The following PLXNA4 variants were observed in gnomAD, a reference collection of about 807,000 sequenced individuals.
The protein encoded by PLXNA4 is plexin A4.
A neutral mutation model predicts 191.8 loss-of-function variants in PLXNA4; 44 were observed. The ratio of observed to expected loss-of-function variants is 0.23; its 90% CI spans 0.18 to 0.29. The LOEUF is 0.29. Ranked by LOEUF, PLXNA4 falls within the 10% of genes least tolerant of loss-of-function variation. PLXNA4 has a pLI of 1.00. For synonymous variants in PLXNA4, 1,082 were observed against 1,009.5 expected (o/e 1.07, Z -1.36); for missense variants, 1,800 against 2,488.8 (o/e 0.72, Z 5.89).
chr7:132,537,764 T>C (rs1191637070), intron 1 of PLXNA4, among the ~76,000 whole-genome samples: 1 of 152,196 alleles, frequency 6.6e-6, no homozygotes, highest in Non-Finnish European at 1.5e-5. Context: ...GCAAAGCCTC[T>C]GGTAAGAATG....
At chr7:132,149,255 G>A (rs989394185) in intron 25 of PLXNA4, among the ~76,000 whole-genome samples, 3 of 152,124 alleles carry the variant, frequency 2.0e-5, no homozygotes, top group Admixed American at 6.5e-5. Flanking sequence ...TGATATCAAC[G>A]TTGTAATCTA....
chr7:132,392,923 A>G (rs1249894230), intron 3 of PLXNA4, among the ~76,000 whole-genome samples: 1 of 152,130 alleles, frequency 6.6e-6, no homozygotes, highest in Admixed American at 6.5e-5. Context: ...CCCTGTGTCC[A>G]TCTGAGCACC....
chr7:132,563,561 TCTC>T (rs1268101867), intron 1 of PLXNA4, among the ~76,000 whole-genome samples: 2 of 73,290 alleles, frequency 2.7e-5, no homozygotes, highest in Non-Finnish European at 5.4e-5. Context: ...TCCTACTCCT[TCTC>T]CTCTTCATCC....
intron 4 of PLXNA4, among the ~76,000 whole-genome samples, chr7:132,272,142 C>T (rs1800101081): frequency 6.6e-6 from 1 of 152,188 alleles, no homozygotes; most frequent in Non-Finnish European, 1.5e-5. Context: ...CTTCTAATGG[C>T]CAAGAACTCC....
Position 132,598,469 on chromosome 7 carries a change from T to C in PLXNA4, c.-87+47459A>G, listed in dbSNP as rs991170345. ...ATTCCTGCAGCCTCAACAAACATTATTCAACCTCCACATTTTTGTCAGTCT... is the reference window on the plus strand; with the variant it reads ...ATTCCTGCAGCCTCAACAAACATTACTCAACCTCCACATTTTTGTCAGTCT... On this transcript the variant is annotated intron_variant, in intron 2 of 4. Coordinates refer to the PLXNA4 transcript ENST00000378539. Among the ~76,000 whole-genome samples the C allele has an allele frequency of 3.9e-5, 6 of 152,244 alleles. No individual in the cohort carries two copies. The South Asian group carries it at 1.0e-3, about 26-fold the overall frequency.
intron 2 of PLXNA4, among the ~76,000 whole-genome samples, chr7:132,502,478 G>C (rs1798296124): frequency 6.6e-6 from 1 of 152,194 alleles, no homozygotes; most frequent in Non-Finnish European, 1.5e-5. Flanking sequence ...TCAACGAGAG[G>C]CTTCTGGAAA....
chr7:132,228,636 T>C (rs77562734), intron 5 of PLXNA4, among the ~76,000 whole-genome samples, 167 bp from the exon 6 acceptor site: 9,543 of 152,162 alleles, frequency 0.063, 639 homozygotes, highest in East Asian at 0.33. Flanking sequence ...CCTCCATCAT[T>C]CCCAAATTTA....
intron 4 of PLXNA4, among the ~76,000 whole-genome samples, chr7:132,257,387 G>A (rs1457428286): frequency 1.3e-5 from 2 of 152,178 alleles, no homozygotes; most frequent in Non-Finnish European, 2.9e-5. Context: ...TCCAAATAAG[G>A]CTCTCTATCA....
chr7:132,484,787 T>G, intron 3 of PLXNA4: 1 of 1,613,016 alleles, frequency 6.2e-7, no homozygotes, highest in Non-Finnish European at 8.5e-7. Context: ...TATTTTTAGT[T>G]AAAGTGGATT....
intron 22 of PLXNA4, among the ~76,000 whole-genome samples, chr7:132,166,752 A>G (rs4731852): frequency 0.99 from 150,944 of 152,018 alleles, 74,941 homozygotes; most frequent in East Asian, 1. Context: ...AGACCACGCC[A>G]GAAAGTTGTC....
intron 4 of PLXNA4, among the ~76,000 whole-genome samples, chr7:132,263,488 T>C (rs1456644224): frequency 1.3e-5 from 2 of 152,198 alleles, no homozygotes; most frequent in Non-Finnish European, 2.9e-5. Flanking sequence ...TACGGTAAAA[T>C]AGGGGTAAGA....
At chr7:132,165,718 G>GCA (rs35305200) in intron 22 of PLXNA4, among the ~76,000 whole-genome samples, 5 of 149,334 alleles carry the variant, frequency 3.3e-5, no homozygotes, top group African/African-American at 1.2e-4. Context: ...TCTTTTGGGT[G>GCA]AAAAAAAAAA....
At chr7:132,369,274 C>T (rs1804326577) in intron 3 of PLXNA4, among the ~76,000 whole-genome samples, 1 of 152,186 alleles carries the variant, frequency 6.6e-6, no homozygotes, top group Admixed American at 6.5e-5. Flanking sequence ...CACCCAGGTG[C>T]CAGAAACCTG....
At chr7:132,518,323 T>G (rs550682741) in intron 1 of PLXNA4, among the ~76,000 whole-genome samples, 22 of 152,300 alleles carry the variant, frequency 1.4e-4, no homozygotes, top group African/African-American at 5.1e-4. Flanking sequence ...AGCAACTGTC[T>G]TCCCAAGAGA....
intron 2 of PLXNA4, among the ~76,000 whole-genome samples, chr7:132,498,852 T>C (rs1798134843): frequency 6.6e-6 from 1 of 152,214 alleles, no homozygotes; most frequent in Non-Finnish European, 1.5e-5. Context: ...CAAATATTCA[T>C]TAAATGAATG....
intron 29 of PLXNA4, among the ~76,000 whole-genome samples, chr7:132,143,023 T>A (rs1041487659): frequency 1.3e-5 from 2 of 152,056 alleles, no homozygotes; most frequent in East Asian, 3.9e-4. Context: ...GTGGTGGCAC[T>A]AATCTCTGGT....
intron 1 of PLXNA4, among the ~76,000 whole-genome samples, chr7:132,545,444 A>G (rs965229245): frequency 6.6e-6 from 1 of 152,220 alleles, no homozygotes; most frequent in Non-Finnish European, 1.5e-5. Context: ...AAAACACACT[A>G]TAAATACTTG....
chr7:132,563,533 T>C (rs1454781454), intron 1 of PLXNA4, among the ~76,000 whole-genome samples: 3 of 82,746 alleles, frequency 3.6e-5, no homozygotes, highest in East Asian at 9.2e-4. Context: ...CTCCTCCTCT[T>C]TCTCCTCCTC....
At chr7:132,300,324 G>A (rs780869165) in intron 3 of PLXNA4, among the ~76,000 whole-genome samples, 2 of 152,054 alleles carry the variant, frequency 1.3e-5, no homozygotes, top group African/African-American at 4.8e-5. Flanking sequence ...GCCACCTAAA[G>A]GCAGGGAGCT....
Sources: allele counts gnomAD v4.1 joint callset (sites outside exome capture counted in the v4.1 genomes callset), GRCh38; gene constraint gnomAD v4.1.1; transcripts MANE v1.5; gene names NCBI Gene and HGNC (gene_info 2026-07-23, HGNC 2026-07-21).